Variants in F11R observed in about 807,000 individuals in gnomAD.
The protein encoded by F11R is junctional adhesion molecule A.
In F11R, 27 loss-of-function variants were observed where a neutral mutation model predicts 39.3. That is an observed-to-expected ratio of 0.69 (90% CI 0.51 to 0.95). F11R has a LOEUF of 0.95. Among genes scored for constraint, F11R ranks in the 40% least tolerant of loss-of-function variants. The pLI is 0.00. For synonymous variants in F11R, 131 were observed against 144.9 expected, an observed-to-expected ratio of 0.90 and a Z score of 0.69; for missense variants, 335 against 372.7, an observed-to-expected ratio of 0.90 and a Z score of 0.83.
Position 161,001,924 on chromosome 1 carries a change from C to T in F11R, c.65-571G>A, listed in dbSNP as rs550154325. 9.5e-4 allele frequency among the ~76,000 whole-genome samples: 144 copies of T among 152,182 alleles called. 1 individual carries two copies. The Middle Eastern group carries it at 0.01, about 11-fold the overall frequency. ...ATCGGCAAGACGTATATTATTATCC[C>T]GAGTTTACATGAGGAACTGAGAGTA... is the stretch of plus-strand genomic sequence containing the variant. On this transcript the variant is annotated intron_variant, in intron 1 of 9. Coordinates refer to ENST00000368026, the MANE Select transcript of F11R (RefSeq NM_016946.6).
At chr1:161,003,555 G>A (rs1648619104) in intron 1 of F11R, among the ~76,000 whole-genome samples, 2 of 151,914 alleles carry the variant, frequency 1.3e-5, no homozygotes, top group East Asian at 1.9e-4. Flanking sequence ...GAGCCACGGC[G>A]ACCGGCCTAA....
chr1:161,019,687 A>G (rs1177937545), intron 1 of F11R, among the ~76,000 whole-genome samples: 2 of 152,142 alleles, frequency 1.3e-5, no homozygotes, highest in East Asian at 3.8e-4. Flanking sequence ...CTGAAGCAGT[A>G]TCCCAAACAG....
At chr1:161,002,261 C>CAAAAAAAAAAAAA (rs34007325) in intron 1 of F11R, among the ~76,000 whole-genome samples, 2 of 68,666 alleles carry the variant, frequency 2.9e-5, no homozygotes, top group African/African-American at 5.8e-5. Flanking sequence ...GACTCAATCT[C>CAAAAAAAAAAAAA]AAAAAAAAAA....
rs574989262 is a variant in F11R, at chr1:161,018,612, A to G, written c.64+2398T>C. Among the ~76,000 whole-genome samples, 10 of 152,174 alleles carry G rather than the reference A, an allele frequency of 6.6e-5. 1 individual carries two copies. In the South Asian group the frequency reaches 1.9e-3, roughly 28 times the overall value. ...CAAAGGTGGGACAAGTATTACTGCTATTTTACAGATGAAAAGACTGAGCTA... is the reference window on the plus strand; with the variant it reads ...CAAAGGTGGGACAAGTATTACTGCTGTTTTACAGATGAAAAGACTGAGCTA... On this transcript the variant is annotated intron_variant, in intron 1 of 9. Coordinates refer to ENST00000368026, the MANE Select transcript of F11R (RefSeq NM_016946.6).
intron 1 of F11R, among the ~76,000 whole-genome samples, chr1:161,020,435 CT>C (rs1649695994): frequency 6.6e-6 from 1 of 152,224 alleles, no homozygotes; most frequent in African/African-American, 2.4e-5. Context: ...TGCATTTCCT[CT>C]TTAGACTGTG....
chr1:161,003,290 A>C (rs1344017327), intron 1 of F11R, among the ~76,000 whole-genome samples: 1 of 150,402 alleles, frequency 6.6e-6, no homozygotes, highest in African/African-American at 2.4e-5. Flanking sequence ...TGCCCGGCTA[A>C]TTTTGTATTT....
At position 161,011,340 on chromosome 1, in the gene F11R, T is replaced by A. The variant is rs558953347; in HGVS notation, c.64+9670A>T. Among the ~76,000 whole-genome samples the A allele has an allele frequency of 1.2e-4, 18 of 152,266 alleles. No homozygotes were observed. In the South Asian group the frequency reaches 3.3e-3, roughly 28 times the overall value. On this transcript the variant is annotated intron_variant, in intron 1 of 9. Coordinates refer to ENST00000368026, the MANE Select transcript of F11R (RefSeq NM_016946.6). ...GAACCACCATGCCCAGCCAATTTAA[T>A]GTTATTTAGTATAACAAAGAAAAAA...
intron 1 of F11R, among the ~76,000 whole-genome samples, chr1:161,015,017 G>T (rs1649373877): frequency 6.6e-6 from 1 of 150,550 alleles, no homozygotes; most frequent in Non-Finnish European, 1.5e-5. Flanking sequence ...GGCAGAGCTT[G>T]CAGTGAGCCG....
At chr1:161,009,684 T>A (rs1048292146) in intron 1 of F11R, among the ~76,000 whole-genome samples, 1 of 152,198 alleles carries the variant, frequency 6.6e-6, no homozygotes, top group Non-Finnish European at 1.5e-5. Context: ...TTCCTCCCCA[T>A]GGGCCGGGTG....
intron 1 of F11R, among the ~76,000 whole-genome samples, chr1:161,003,123 ATT>A (rs755371627): frequency 8.5e-5 from 9 of 105,534 alleles, no homozygotes; most frequent in African/African-American, 1.9e-4. Context: ...TAATTTTTGT[ATT>A]TTTTTTTTTT....
intron 4 of F11R, 71 bp from the exon 5 acceptor site, chr1:161,000,419 A>G (rs963594913): frequency 6.6e-7 from 1 of 1,510,528 alleles, no homozygotes; most frequent in Non-Finnish European, 9.1e-7. Context: ...ACCAACTACA[A>G]TGGTACCCCC....
intron 1 of F11R, among the ~76,000 whole-genome samples, chr1:161,014,601 A>G (rs1456171421): frequency 1.3e-5 from 2 of 152,224 alleles, no homozygotes; most frequent in African/African-American, 4.8e-5. Context: ...AGCCTCAGCT[A>G]TTCAGGAGGC....
chr1:161,011,757 G>A (rs1220602211), intron 1 of F11R, among the ~76,000 whole-genome samples: 1 of 151,518 alleles, frequency 6.6e-6, no homozygotes, highest in African/African-American at 2.4e-5. Context: ...ATATTTTGTA[G>A]GAAATATAGA....
intron 1 of F11R, among the ~76,000 whole-genome samples, chr1:161,019,048 C>A (rs1236152028): frequency 6.6e-6 from 1 of 152,112 alleles, no homozygotes; most frequent in African/African-American, 2.4e-5. Flanking sequence ...CTCCAGGAAG[C>A]TTTTAAGCCT....
At chr1:161,000,598 T>C in intron 4 of F11R, 33 bp downstream of exon 4, 3 of 1,613,756 alleles carry the variant, frequency 1.9e-6, no homozygotes, top group Non-Finnish European at 2.5e-6. Flanking sequence ...AGTAACTAAC[T>C]CCAGGCCCAC....
chr1:161,010,451 A>AAAAAAAAC (rs1356039876), intron 1 of F11R, among the ~76,000 whole-genome samples: 6 of 151,282 alleles, frequency 4.0e-5, no homozygotes, highest in African/African-American at 9.7e-5. Flanking sequence ...CAAAAAAAAA[A>AAAAAAAAC]AAAAAACAGT....
intron 1 of F11R, 84 bp from the exon 2 acceptor site, chr1:161,001,437 G>A (rs1648485759): frequency 1.7e-6 from 2 of 1,184,114 alleles, no homozygotes; most frequent in Admixed American, 1.9e-5. Context: ...AGTGGACAGG[G>A]CTTCTCCATT....
rs1031802364 is a variant in F11R at position 161,021,107 on chromosome 1, G to A, written c.-34C>T. 5 of 1,589,540 alleles carry A rather than the reference G, an allele frequency of 3.1e-6. No homozygotes were observed. In the East Asian group the frequency reaches 8.9e-5, roughly 28 times the overall value. ...GGCTCCCGACACAACAGCCGCCGAA[G>A]GACTCCTGGGAACAGACACAGCTCC... On this transcript the variant is annotated 5_prime_UTR_variant, in exon 1 of 10. Transcript: ENST00000368026.
chr1:161,014,536 G>C (rs920012059), intron 1 of F11R, among the ~76,000 whole-genome samples: 1 of 152,128 alleles, frequency 6.6e-6, no homozygotes, highest in Admixed American at 6.5e-5. Context: ...GACCCTGTCT[G>C]TACTAAAAAA....
Sources: gnomAD v4.1 joint callset for allele counts (sites outside exome capture counted in the v4.1 genomes callset) on GRCh38, gnomAD v4.1.1 for gene constraint, MANE v1.5 for transcripts, NCBI Gene and HGNC (gene_info 2026-07-23, HGNC 2026-07-21) for gene names.